DNAJC7: variants seen among roughly 807,000 people sequenced by gnomAD.
The protein encoded by DNAJC7 is DnaJ heat shock protein family (Hsp40) member C7.
Under a neutral mutation model 67.4 loss-of-function variants are expected in DNAJC7, and 18 were observed. The observed-to-expected ratio is 0.27, with a 90% confidence interval of 0.18 to 0.40. The LOEUF is 0.40. DNAJC7 is among the 10% of genes least tolerant of loss of function. The probability of loss-of-function intolerance (pLI) is 1.00; values close to 1 mark genes in which losing one functional copy is unlikely to be tolerated. For synonymous variants in DNAJC7, 220 were observed against 207.8 expected (o/e 1.06, Z -0.50); for missense variants, 419 against 613.8 (o/e 0.68, Z 3.35).
intron 8 of DNAJC7, 106 bp downstream of exon 8, chr17:41,988,626 T>G (rs189343305): frequency 1.5e-6 from 2 of 1,326,548 alleles, no homozygotes; most frequent in South Asian, 1.6e-5. Context: ...CCATAACAAC[T>G]TTCCCTCTTT....
rs1479163230 is a variant in DNAJC7, at chr17:41,998,326, GC to G, written c.167-1088del. Among the ~76,000 whole-genome samples, 6 of 152,242 alleles carry G rather than the reference GC, an allele frequency of 3.9e-5. No individual in the cohort carries two copies. The South Asian group carries it at 1.0e-3, about 26-fold the overall frequency. On this transcript the variant is annotated intron_variant, in intron 2 of 13. Coordinates refer to ENST00000457167, the MANE Select transcript of DNAJC7 (RefSeq NM_003315.4). Reference sequence around the variant, plus strand: ...TCTCTGCTAAAATACAAATAAATTAGCCAAGCATGGTGGCACACACCTGCAA... The same window carrying G: ...TCTCTGCTAAAATACAAATAAATTAGCAAGCATGGTGGCACACACCTGCAA...
chr17:42,007,841 T>C (rs1555650562), intron 1 of DNAJC7, among the ~76,000 whole-genome samples: 3 of 4,316 alleles, frequency 7.0e-4, no homozygotes, highest in Non-Finnish European at 2.7e-3. Context: ...AAACTGCCTT[T>C]TTTTTTTTTT....
intron 12 of DNAJC7, among the ~76,000 whole-genome samples, chr17:41,978,198 T>G (rs2051142176): frequency 6.6e-6 from 1 of 152,136 alleles, no homozygotes; most frequent in South Asian, 2.1e-4. Flanking sequence ...GGCCACAGCA[T>G]GTCTGGTGGC....
chr17:42,006,572 G>C (rs1240717732), intron 1 of DNAJC7, among the ~76,000 whole-genome samples: 6 of 146,194 alleles, frequency 4.1e-5, no homozygotes, highest in African/African-American at 1.5e-4. Flanking sequence ...GCCAAGGCAG[G>C]CAGATCATGA....
At chr17:41,995,072 T>G in intron 4 of DNAJC7, 128 bp from the exon 5 acceptor site, 1 of 805,820 alleles carries the variant, frequency 1.2e-6, no homozygotes, top group South Asian at 1.5e-5. Flanking sequence ...TTGATAGAGA[T>G]AGGGTCGAAT....
intron 1 of DNAJC7, among the ~76,000 whole-genome samples, chr17:42,001,813 A>G (rs1555649511): frequency 6.6e-6 from 1 of 152,140 alleles, no homozygotes; most frequent in African/African-American, 2.4e-5. Flanking sequence ...CCCTCCTTTT[A>G]TTGAGGTGAT....
At chr17:42,016,241 T>C (rs1425535765) in intron 1 of DNAJC7, 1 of 152,208 alleles carries the variant, frequency 6.6e-6, no homozygotes, top group African/African-American at 2.4e-5. Flanking sequence ...GTACTTCTTA[T>C]ATTTCGAACT....
chr17:41,999,287 G>A (rs1555649083), intron 2 of DNAJC7, among the ~76,000 whole-genome samples: 2 of 151,754 alleles, frequency 1.3e-5, no homozygotes, highest in African/African-American at 4.8e-5. Flanking sequence ...ATGTTAACAG[G>A]CCAGGCTGAA....
At chr17:41,976,918 G>T in intron 13 of DNAJC7, 148 bp from the exon 14 acceptor site, 1 of 925,394 alleles carries the variant, frequency 1.1e-6, no homozygotes, top group Non-Finnish European at 1.6e-6. Context: ...GGCTGTTTTT[G>T]GGTGCAAGAG....
chr17:41,993,819 CT>C (rs2051574966), intron 5 of DNAJC7, among the ~76,000 whole-genome samples: 1 of 139,714 alleles, frequency 7.2e-6, no homozygotes, highest in African/African-American at 2.7e-5. Context: ...GGCAGATCAC[CT>C]GAGGTCGGGA....
chr17:42,006,457 A>G (rs2051959295), intron 1 of DNAJC7, among the ~76,000 whole-genome samples: 1 of 151,778 alleles, frequency 6.6e-6, no homozygotes, highest in South Asian at 2.1e-4. Flanking sequence ...GCTGCAGCAA[A>G]CCATGTTCCT....
Position 41,989,437 on chromosome 17 carries a change from A to G in DNAJC7, c.720T>C (p.Ala240=). 1.9e-6 allele frequency: 3 copies of G among 1,614,032 alleles called. No homozygotes were observed. The highest frequency in any genetic ancestry group is 2.5e-6 in the Non-Finnish European group (3 of 1,179,898). ...VQFFVQALRM[A]PDHEKACIAC... is the part of the protein sequence containing the mutation. Reference sequence around the variant, plus strand: ...CAATGCAGGCCTTCTCGTGGTCAGGAGCCATCCTGAGAGCCTGTACGAAAA... The same window carrying G: ...CAATGCAGGCCTTCTCGTGGTCAGGGGCCATCCTGAGAGCCTGTACGAAAA... Residue 240 remains alanine, a synonymous_variant, in exon 7 of 14, where the codon GCT becomes GCC. Coordinates refer to ENST00000457167, the MANE Select transcript of DNAJC7 (RefSeq NM_003315.4).
chr17:41,977,932 G>C (rs2051135839), intron 12 of DNAJC7, among the ~76,000 whole-genome samples: 1 of 152,048 alleles, frequency 6.6e-6, no homozygotes, highest in East Asian at 1.9e-4. Context: ...CCCCAGCCTG[G>C]GTGACAGCAA....
chr17:41,983,650 A>G lies in DNAJC7; in HGVS notation c.1011-14T>C. 1 of 1,593,232 alleles carries G rather than the reference A, an allele frequency of 6.3e-7. No individual in the cohort carries two copies. Among genetic ancestry groups the G allele is most frequent in the Non-Finnish European group, 8.6e-7 (1 of 1,168,380 alleles). On this transcript the variant is annotated splice_polypyrimidine_tract_variant and intron_variant, in intron 9 of 13. Transcript: ENST00000457167. Reference sequence around the variant, plus strand: ...GTGTCCATGTAACTGAGAAGGAAATACAAGGCAATACAGCACTAAGACATA... The same window carrying G: ...GTGTCCATGTAACTGAGAAGGAAATGCAAGGCAATACAGCACTAAGACATA...
rs2051459260 is a variant in DNAJC7, at chr17:41,989,467, A to T, written c.690T>A (p.Val230=). The change falls in exon 7 of 14, where the codon GTT becomes GTA. Residue 230 remains valine, a synonymous_variant. Coordinates refer to ENST00000457167, the MANE Select transcript of DNAJC7 (RefSeq NM_003315.4). ...TCCTGAGAGCCTGTACGAAAAACTG[A>T]ACTGCCTTCTCAATACAATCTTCGT... ...LYYEDCIEKA[V]QFFVQALRMA... is the part of the protein sequence containing the mutation. The T allele has an allele frequency of 6.2e-7, 1 of 1,613,928 alleles. No homozygotes were observed. The highest frequency in any genetic ancestry group is 8.5e-7 in the Non-Finnish European group (1 of 1,179,908).
At chr17:42,010,643 A>C (rs2052092633) in intron 1 of DNAJC7, among the ~76,000 whole-genome samples, 1 of 152,136 alleles carries the variant, frequency 6.6e-6, no homozygotes, top group African/African-American at 2.4e-5. Flanking sequence ...ACAGGTGGTT[A>C]ACTGTCTCAG....
At chr17:41,988,693 A>T (rs782794009) in intron 8 of DNAJC7, 39 bp downstream of exon 8, 1 of 1,547,194 alleles carries the variant, frequency 6.5e-7, no homozygotes. Context: ...TCCCTTAAAA[A>T]TATTTCTATA....
intron 9 of DNAJC7, among the ~76,000 whole-genome samples, chr17:41,987,007 C>A (rs1348678375): frequency 1.3e-5 from 2 of 152,128 alleles, no homozygotes; most frequent in African/African-American, 4.8e-5. Context: ...AATACATCTT[C>A]TCTAAGAACT....
At chr17:41,984,253 T>G (rs2051319204) in intron 9 of DNAJC7, 2 of 151,520 alleles carry the variant, frequency 1.3e-5, no homozygotes, top group African/African-American at 4.9e-5. Context: ...GAGGGGCCCT[T>G]GGCCCAAGAT....
Sources: gnomAD v4.1 joint callset for allele counts (sites outside exome capture counted in the v4.1 genomes callset) on GRCh38, gnomAD v4.1.1 for gene constraint, MANE v1.5 for transcripts, NCBI Gene and HGNC (gene_info 2026-07-23, HGNC 2026-07-21) for gene names.